Variants in HCN1 observed in about 807,000 individuals in gnomAD.
HCN1 encodes potassium/sodium hyperpolarization-activated cyclic nucleotide-gated channel 1.
Under a neutral mutation model 78.9 loss-of-function variants are expected in HCN1, and 13 were observed. That is an observed-to-expected ratio of 0.16 (90% confidence interval 0.11 to 0.26). The LOEUF is 0.26. Ranked by LOEUF, HCN1 falls within the 10% of genes least tolerant of loss-of-function variation. The pLI is 1.00. For missense variants in HCN1, 810 were observed against 1,154.3 expected (o/e 0.70, Z 4.32); for synonymous variants, 552 against 455.5 (o/e 1.21, Z -2.70).
intron 2 of HCN1, among the ~76,000 whole-genome samples, chr5:45,492,693 G>A (rs1328295262): frequency 1.3e-5 from 2 of 151,468 alleles, no homozygotes; most frequent in Non-Finnish European, 2.9e-5. Flanking sequence ...GTACAGACAA[G>A]GTTTCACCAT....
intron 6 of HCN1, among the ~76,000 whole-genome samples, chr5:45,273,776 G>A (rs1316555457): frequency 6.6e-6 from 1 of 152,046 alleles, no homozygotes; most frequent in African/African-American, 2.4e-5. Flanking sequence ...ATAATAACAT[G>A]TAACAGAAAA....
chr5:45,428,608 G>A (rs1216098628), intron 3 of HCN1, among the ~76,000 whole-genome samples: 1 of 152,008 alleles, frequency 6.6e-6, no homozygotes, highest in East Asian at 1.9e-4. Context: ...TAGCAATAAA[G>A]GCAACTGCAC....
At chr5:45,584,652 T>C (rs1179002140) in intron 2 of HCN1, among the ~76,000 whole-genome samples, 1 of 152,234 alleles carries the variant, frequency 6.6e-6, no homozygotes, top group Non-Finnish European at 1.5e-5. Context: ...TGGCATGTTT[T>C]TGCAGTGGCT....
chr5:45,277,857 A>C (rs1188673028), intron 6 of HCN1, among the ~76,000 whole-genome samples: 2 of 152,130 alleles, frequency 1.3e-5, no homozygotes, highest in Non-Finnish European at 2.9e-5. Context: ...GGGGAGATTT[A>C]AAGTAAAGAA....
At chr5:45,689,686 T>A (rs1739871197) in intron 1 of HCN1, among the ~76,000 whole-genome samples, 1 of 152,094 alleles carries the variant, frequency 6.6e-6, no homozygotes, top group African/African-American at 2.4e-5. Context: ...TGGCATGTAA[T>A]GAGGCTGCAT....
In HCN1 at chr5:45,674,635, TATAG is replaced by T. The variant is rs376577104; in HGVS notation, c.425+21030_425+21033del. 5.7e-4 allele frequency among the ~76,000 whole-genome samples: 86 copies of T among 151,964 alleles called. 1 individual carries two copies. The highest frequency in any genetic ancestry group is 2.1e-3 in the East Asian group (11 of 5,176). On this transcript the variant is annotated intron_variant, in intron 1 of 7. Transcript: ENST00000303230. Reference sequence around the variant, plus strand: ...TAATATCAACTGTATTTTTAGTCATTATAGATAAATTGAAAGCCAATGTTATCAG... The same window carrying T: ...TAATATCAACTGTATTTTTAGTCATTATAAATTGAAAGCCAATGTTATCAG...
intron 5 of HCN1, among the ~76,000 whole-genome samples, chr5:45,346,891 C>G (rs900490054): frequency 3.9e-5 from 6 of 152,224 alleles, no homozygotes; most frequent in African/African-American, 1.4e-4. Flanking sequence ...CCCACCACAG[C>G]TCAAGGAGGC....
At chr5:45,504,434 C>CT (rs900648281) in intron 2 of HCN1, among the ~76,000 whole-genome samples, 34 of 151,910 alleles carry the variant, frequency 2.2e-4, no homozygotes, top group East Asian at 9.7e-4. Flanking sequence ...TGAACTCATC[C>CT]TTTTTTTTGG....
In HCN1 at chr5:45,537,452, A is replaced by C. The variant is rs1742988558; in HGVS notation, c.850-75445T>G. On this transcript the variant is annotated intron_variant, in intron 2 of 7. Transcript: ENST00000303230. ...TGAAAACATTTGCCAAACATGTTAG[A>C]TATTGATTCTCCTGCAAAAAGGTTG... Among the ~76,000 whole-genome samples the C allele has an allele frequency of 2.2e-5, 3 of 138,106 alleles. No individual in the cohort carries two copies. In the South Asian group the frequency reaches 7.4e-4, roughly 34 times the overall value. The allele number at this position is 138,106 out of a possible 152,430, so 90.6% of individuals were successfully genotyped here.
chr5:45,567,613 A>G (rs1743736290), intron 2 of HCN1, among the ~76,000 whole-genome samples: 1 of 147,900 alleles, frequency 6.8e-6, no homozygotes, highest in East Asian at 2.0e-4. Flanking sequence ...ACAGAGTTAT[A>G]TACAGTTCAA....
Position 45,276,778 on chromosome 5 carries a change from A to T in HCN1, c.1619-9525T>A, listed in dbSNP as rs143764628. Among the ~76,000 whole-genome samples the T allele has an allele frequency of 2.2e-3, 334 of 152,242 alleles. 1 individual carries two copies. Among genetic ancestry groups the T allele is most frequent in the African/African-American group, 7.7e-3 (322 of 41,578 alleles). On this transcript the variant is annotated intron_variant, in intron 6 of 7. Coordinates refer to ENST00000303230, the MANE Select transcript of HCN1 (RefSeq NM_021072.4). Reference sequence around the variant, plus strand: ...AAATTCAAATAATATATCATTCATCATAGAGTAATTCTGTACATCATTGGT... The same window carrying T: ...AAATTCAAATAATATATCATTCATCTTAGAGTAATTCTGTACATCATTGGT...
chr5:45,262,496 T>A lies in HCN1; in HGVS notation c.2098A>T (p.Thr700Ser). ...PSAILSPCSY[T>S]TAVCSPPVQS... Reference sequence around the variant, plus strand: ...ACAGGAGGGCTGCAGACCGCGGTGGTGTAGGAGCAGGGTGACAGGATGGCT... The same window carrying A: ...ACAGGAGGGCTGCAGACCGCGGTGGAGTAGGAGCAGGGTGACAGGATGGCT... The change falls in exon 8 of 8, where the codon ACC becomes TCC. Residue 700 changes from threonine to serine, a missense_variant. By Grantham distance (58) the Thr-to-Ser change is moderately conservative. This residue lies in a region of HCN1 where 398 missense variants were observed against 381.3 expected (regional missense o/e 1.04). Transcript: ENST00000303230. 1 of 1,612,426 alleles carries A rather than the reference T, an allele frequency of 6.2e-7. No homozygotes were observed. The highest frequency in any genetic ancestry group is 8.5e-7 in the Non-Finnish European group (1 of 1,179,654).
chr5:45,363,446 A>G (rs1747165988), intron 4 of HCN1, among the ~76,000 whole-genome samples: 1 of 151,892 alleles, frequency 6.6e-6, no homozygotes, highest in African/African-American at 2.4e-5. Context: ...AACAGCCCCT[A>G]TCCTTCAGAG....
intron 2 of HCN1, among the ~76,000 whole-genome samples, chr5:45,606,858 G>A (rs1030895050): frequency 4.0e-5 from 6 of 151,810 alleles, no homozygotes; most frequent in African/African-American, 1.2e-4. Flanking sequence ...TAAAACTAAG[G>A]AATGATAAAA....
At chr5:45,535,316 G>A (rs1210179198) in intron 2 of HCN1, among the ~76,000 whole-genome samples, 2 of 152,126 alleles carry the variant, frequency 1.3e-5, no homozygotes, top group Non-Finnish European at 2.9e-5. Flanking sequence ...TAGAGAAGCA[G>A]GCTGGGCATG....
chr5:45,626,641 C>A (rs1580005811), intron 2 of HCN1, among the ~76,000 whole-genome samples: 1 of 151,920 alleles, frequency 6.6e-6, no homozygotes, highest in Admixed American at 6.6e-5. Context: ...AGAAAACAAC[C>A]AATGTAAAAA....
chr5:45,478,278 G>T (rs183820058), intron 2 of HCN1, among the ~76,000 whole-genome samples: 3 of 152,232 alleles, frequency 2.0e-5, no homozygotes, highest in Non-Finnish European at 4.4e-5. Flanking sequence ...AAAAAACAGA[G>T]ATTTCTACTA....
intron 2 of HCN1, among the ~76,000 whole-genome samples, chr5:45,524,696 T>C (rs1349340409): frequency 6.6e-6 from 1 of 151,970 alleles, no homozygotes; most frequent in African/African-American, 2.4e-5. Context: ...GTGATTTTTG[T>C]ACATTGATTT....
Position 45,352,148 on chromosome 5 carries a change from T to C in HCN1, c.1377+952A>G, listed in dbSNP as rs1746918353. Among the ~76,000 whole-genome samples, 3 of 152,256 alleles carry C rather than the reference T, an allele frequency of 2.0e-5. No individual in the cohort carries two copies. In the South Asian group the frequency reaches 6.2e-4, roughly 32 times the overall value. On this transcript the variant is annotated intron_variant, in intron 5 of 7. Coordinates refer to ENST00000303230, the MANE Select transcript of HCN1 (RefSeq NM_021072.4). ...ACCCAAATGTCCAACAAGGATAGACTGGATTAAGAAAATGTGGCACATATA... is the reference window on the plus strand; with the variant it reads ...ACCCAAATGTCCAACAAGGATAGACCGGATTAAGAAAATGTGGCACATATA...
Sources: allele counts gnomAD v4.1 joint callset (sites outside exome capture counted in the v4.1 genomes callset), GRCh38; gene constraint gnomAD v4.1.1; regional missense constraint gnomAD v4.1.1; transcripts MANE v1.5; gene names NCBI Gene and HGNC (gene_info 2026-07-23, HGNC 2026-07-21).